CCSER1: variants seen among roughly 807,000 people sequenced by gnomAD.
CCSER1 encodes the protein serine-rich coiled-coil domain-containing protein 1.
A neutral mutation model predicts 82.0 loss-of-function variants in CCSER1; 41 were observed. The ratio of observed to expected loss-of-function variants is 0.50; its 90% CI spans 0.39 to 0.65. CCSER1 has a LOEUF of 0.65. CCSER1 is among the 30% of genes least tolerant of loss of function. The pLI, the probability that CCSER1 is intolerant of heterozygous loss-of-function variation, is 0.00. For missense variants in CCSER1, 1,119 were observed against 1,064.2 expected, an observed-to-expected ratio of 1.05 and a Z score of -0.72; for synonymous variants, 414 against 383.9, an observed-to-expected ratio of 1.08 and a Z score of -0.92.
At chr4:90,669,593 A>C (rs1732424849) in intron 6 of CCSER1, among the ~76,000 whole-genome samples, 1 of 152,102 alleles carries the variant, frequency 6.6e-6, no homozygotes. Flanking sequence ...TGGTAGAGGA[A>C]GGTATCGTTT....
At chr4:91,030,741 A>T (rs908999828) in intron 9 of CCSER1, among the ~76,000 whole-genome samples, 1 of 69,690 alleles carries the variant, frequency 1.4e-5, no homozygotes, top group Non-Finnish European at 4.4e-5. Context: ...TTCTCTGATT[A>T]AAAAAAAAGA....
At chr4:90,973,413 G>T (rs1200228122) in intron 9 of CCSER1, among the ~76,000 whole-genome samples, 1 of 151,642 alleles carries the variant, frequency 6.6e-6, no homozygotes, top group Non-Finnish European at 1.5e-5. Flanking sequence ...ATGAAAAGGT[G>T]CTCAACATCA....
At chr4:90,911,274 C>G (rs934508021) in intron 8 of CCSER1, 1 of 456,016 alleles carries the variant, frequency 2.2e-6, no homozygotes, top group Non-Finnish European at 4.4e-6. Context: ...ATTTTGTGTT[C>G]CATGAGAGGA....
At chr4:91,439,029 A>AAT (rs757430479) in intron 10 of CCSER1, among the ~76,000 whole-genome samples, 23 of 152,248 alleles carry the variant, frequency 1.5e-4, no homozygotes, top group Non-Finnish European at 3.1e-4. Context: ...AGTGACGGGG[A>AAT]GAATGGAACC....
intron 9 of CCSER1, among the ~76,000 whole-genome samples, chr4:91,074,992 AGG>A (rs1721820878): frequency 1.3e-5 from 2 of 152,184 alleles, no homozygotes; most frequent in African/African-American, 4.8e-5. Flanking sequence ...TTTTGTTTAC[AGG>A]GAAGCAGGAG....
At chr4:90,900,070 G>C (rs1322323967) in intron 8 of CCSER1, among the ~76,000 whole-genome samples, 1 of 142,434 alleles carries the variant, frequency 7.0e-6, no homozygotes, top group African/African-American at 2.6e-5. Flanking sequence ...ATAGAATTCT[G>C]CTGTGAAACC....
At chr4:91,246,827 T>TACACACACACACAC (rs34278711) in intron 10 of CCSER1, among the ~76,000 whole-genome samples, 10 of 144,166 alleles carry the variant, frequency 6.9e-5, no homozygotes, top group Middle Eastern at 3.5e-3. Context: ...CATACACACA[T>TACACACACACACAC]ACACACACAC....
chr4:91,192,626 C>T (rs1735096066), intron 10 of CCSER1, among the ~76,000 whole-genome samples: 1 of 151,954 alleles, frequency 6.6e-6, no homozygotes, highest in Non-Finnish European at 1.5e-5. Flanking sequence ...CCTCTTTGCC[C>T]CTCTCCTTGG....
At chr4:91,367,042 C>T (rs1267955152) in intron 10 of CCSER1, among the ~76,000 whole-genome samples, 1 of 147,886 alleles carries the variant, frequency 6.8e-6, no homozygotes, top group Non-Finnish European at 1.5e-5. Flanking sequence ...GCCTATAATC[C>T]TAGCATTTTG....
intron 5 of CCSER1, among the ~76,000 whole-genome samples, chr4:90,526,302 A>C (rs1560659915): frequency 6.6e-6 from 1 of 152,148 alleles, no homozygotes; most frequent in Admixed American, 6.5e-5. Context: ...AAGTTTTCGA[A>C]TCATAACTCC....
intron 4 of CCSER1, among the ~76,000 whole-genome samples, chr4:90,415,228 A>G (rs1367982002): frequency 6.6e-6 from 1 of 152,228 alleles, no homozygotes; most frequent in Non-Finnish European, 1.5e-5. Flanking sequence ...ACATGTCTTC[A>G]TAAGGTGCAC....
chr4:90,866,015 T>C (rs192366048), intron 8 of CCSER1, among the ~76,000 whole-genome samples: 2 of 151,978 alleles, frequency 1.3e-5, no homozygotes, highest in East Asian at 3.9e-4. Flanking sequence ...GATTTTGCAG[T>C]AACTCACTCT....
chr4:90,297,753 A>G (rs1044338112), intron 1 of CCSER1, among the ~76,000 whole-genome samples: 4 of 152,040 alleles, frequency 2.6e-5, no homozygotes, highest in African/African-American at 9.7e-5. Context: ...TGAGAAAATC[A>G]TGTGGTTTTT....
intron 9 of CCSER1, among the ~76,000 whole-genome samples, chr4:91,073,166 T>C (rs762352362): frequency 4.3e-4 from 66 of 152,130 alleles, no homozygotes; most frequent in Non-Finnish European, 7.2e-4. Context: ...AGAAAAAATA[T>C]AGTTTGATAA....
chr4:90,436,494 C>G (rs767872106), intron 4 of CCSER1, among the ~76,000 whole-genome samples: 1 of 152,190 alleles, frequency 6.6e-6, no homozygotes, highest in Non-Finnish European at 1.5e-5. Context: ...AACCTCAAAG[C>G]AGAGCAATAA....
intron 5 of CCSER1, among the ~76,000 whole-genome samples, chr4:90,554,613 C>T (rs1777901920): frequency 6.6e-6 from 1 of 152,136 alleles, no homozygotes; most frequent in Non-Finnish European, 1.5e-5. Context: ...TGCTACATAC[C>T]AGCCAGCTAA....
intron 10 of CCSER1, among the ~76,000 whole-genome samples, chr4:91,252,640 G>T (rs1012761912): frequency 6.6e-6 from 1 of 152,116 alleles, no homozygotes; most frequent in Non-Finnish European, 1.5e-5. Flanking sequence ...GTCATGTAAT[G>T]CATAAAGACA....
At chr4:90,275,913 T>C (rs1727450033) in intron 1 of CCSER1, among the ~76,000 whole-genome samples, 2 of 152,162 alleles carry the variant, frequency 1.3e-5, no homozygotes, top group Admixed American at 6.6e-5. Context: ...GAAATATAAA[T>C]TAAAATTAGT....
chr4:91,227,692 C>T (rs1278521780), intron 10 of CCSER1, among the ~76,000 whole-genome samples: 1 of 151,642 alleles, frequency 6.6e-6, no homozygotes, highest in East Asian at 1.9e-4. Context: ...CTTTTGGAGT[C>T]CACAGTGTCC....
Sources: allele counts gnomAD v4.1 joint callset (sites outside exome capture counted in the v4.1 genomes callset), GRCh38; gene constraint gnomAD v4.1.1; transcripts MANE v1.5; gene names NCBI Gene and HGNC (gene_info 2026-07-23, HGNC 2026-07-21).